Variants in SNX24 observed in about 807,000 individuals in gnomAD.
SNX24 encodes sorting nexin 24.
In SNX24, 22 loss-of-function variants were observed where a neutral mutation model predicts 28.7. The ratio of observed to expected loss-of-function variants is 0.77; its 90% confidence interval spans 0.55 to 1.10. SNX24 has a LOEUF of 1.10. Among genes scored for constraint, SNX24 ranks in the 50% least tolerant of loss-of-function variants. The pLI is 0.00. For synonymous variants in SNX24, 69 were observed against 71.5 expected, an observed-to-expected ratio of 0.96 and a Z score of 0.18; for missense variants, 221 against 201.1, an observed-to-expected ratio of 1.10 and a Z score of -0.60.
chr5:122,849,051 C>T (rs1754780307), intron 1 of SNX24, among the ~76,000 whole-genome samples: 1 of 152,194 alleles, frequency 6.6e-6, no homozygotes, highest in Admixed American at 6.5e-5. Flanking sequence ...CCCCAGGTAT[C>T]TGCTGATGGC....
chr5:122,933,081 G>T (rs1026752973), intron 1 of SNX24, among the ~76,000 whole-genome samples: 6 of 152,076 alleles, frequency 3.9e-5, no homozygotes, highest in African/African-American at 1.4e-4. Flanking sequence ...CTTGAGCTTT[G>T]TTCTGGCATG....
intron 2 of SNX24, among the ~76,000 whole-genome samples, chr5:122,940,024 CT>C (rs1026863469): frequency 5.9e-4 from 89 of 150,344 alleles, no homozygotes; most frequent in African/African-American, 2.1e-3. Flanking sequence ...GAGTCTCGCT[CT>C]TTTGCCCAGG....
chr5:123,003,067 T>C (rs1374145206), intron 6 of SNX24, among the ~76,000 whole-genome samples: 2 of 152,186 alleles, frequency 1.3e-5, no homozygotes, highest in Non-Finnish European at 2.9e-5. Context: ...TAGTAATAGA[T>C]AAATAATCCA....
intron 1 of SNX24, among the ~76,000 whole-genome samples, chr5:122,903,171 A>G (rs1489146963): frequency 6.6e-6 from 1 of 151,964 alleles, no homozygotes; most frequent in Admixed American, 6.6e-5. Context: ...CAGTGGCACG[A>G]TCGTGGCTCA....
At chr5:122,869,708 TTATCTCATAATTTG>T (rs1217118118) in intron 1 of SNX24, among the ~76,000 whole-genome samples, 2 of 152,228 alleles carry the variant, frequency 1.3e-5, no homozygotes, top group Non-Finnish European at 2.9e-5. Context: ...TTGCTACGCT[TTATCTCATAATTTG>T]TATGGAAATC....
chr5:123,013,213 T>TC (rs1477110500), downstream of SNX24, among the ~76,000 whole-genome samples: 1 of 152,128 alleles, frequency 6.6e-6, no homozygotes, highest in Non-Finnish European at 1.5e-5. Flanking sequence ...TGCATTTGGG[T>TC]CCCCCCACTG....
At chr5:122,906,438 A>G (rs1757648349) in intron 1 of SNX24, among the ~76,000 whole-genome samples, 1 of 152,202 alleles carries the variant, frequency 6.6e-6, no homozygotes, top group African/African-American at 2.4e-5. Context: ...ATGAAGTGAA[A>G]GTATTTTGAA....
At chr5:122,907,434 G>A (rs1415952794) in intron 1 of SNX24, among the ~76,000 whole-genome samples, 4 of 152,258 alleles carry the variant, frequency 2.6e-5, no homozygotes, top group East Asian at 1.9e-4. Flanking sequence ...AAAGCCAGAC[G>A]GCCCTCAGGG....
chr5:123,010,683 T>A (rs1762556161), downstream of SNX24, among the ~76,000 whole-genome samples: 4 of 152,208 alleles, frequency 2.6e-5, no homozygotes, highest in South Asian at 8.3e-4. Flanking sequence ...CATCTCCTAA[T>A]ACCGAATTCC....
chr5:122,875,818 T>G (rs1305939245), intron 1 of SNX24, among the ~76,000 whole-genome samples: 1 of 152,236 alleles, frequency 6.6e-6, no homozygotes, highest in African/African-American at 2.4e-5. Flanking sequence ...AGACACAGTC[T>G]TGCTCTTAGC....
At chr5:122,961,783 C>T (rs958930244) in intron 3 of SNX24, among the ~76,000 whole-genome samples, 9 of 152,120 alleles carry the variant, frequency 5.9e-5, no homozygotes, top group Non-Finnish European at 1.0e-4. Context: ...GTTGTACATA[C>T]ATGTTTCTGT....
At position 123,003,780 on chromosome 5, in the gene SNX24, G is replaced by A. The variant is rs115292119; in HGVS notation, c.442+1776G>A. Among the ~76,000 whole-genome samples, 1,258 of 152,306 alleles carry A rather than the reference G, an allele frequency of 8.3e-3. 17 individuals are homozygous for A. Among genetic ancestry groups the A allele is most frequent in the African/African-American group, 0.029 (1,192 of 41,560 alleles). ...TTGAATTGGAAAGAGTAAAACGTAT[G>A]TATCATTGGTAGCATGGTAATATGG... On this transcript the variant is annotated intron_variant, in intron 6 of 6. Coordinates refer to ENST00000261369, the MANE Select transcript of SNX24 (RefSeq NM_014035.4).
chr5:122,973,823 C>T (rs762829984), intron 3 of SNX24, among the ~76,000 whole-genome samples: 4 of 152,208 alleles, frequency 2.6e-5, no homozygotes, highest in African/African-American at 4.8e-5. Context: ...TAGTTATCTG[C>T]AGATGATGGC....
chr5:122,848,582 G>A lies in SNX24; in HGVS notation c.60+2889G>A, dbSNP rs535429012. Among the ~76,000 whole-genome samples the A allele has an allele frequency of 1.5e-3, 226 of 151,840 alleles. 1 individual carries two copies. The highest frequency in any genetic ancestry group is 3.9e-3 in the African/African-American group (160 of 41,426). Reference sequence around the variant, plus strand: ...AAATTAGCCAGGCGTGGTGGCGGGCGCGGGTAATCCCAGCTACTTGGGAGG... The same window carrying A: ...AAATTAGCCAGGCGTGGTGGCGGGCACGGGTAATCCCAGCTACTTGGGAGG... On this transcript the variant is annotated intron_variant, in intron 1 of 6. Coordinates refer to ENST00000261369, the MANE Select transcript of SNX24 (RefSeq NM_014035.4).
chr5:122,853,124 T>C (rs1350282660), intron 1 of SNX24, among the ~76,000 whole-genome samples: 1 of 129,524 alleles, frequency 7.7e-6, no homozygotes, highest in African/African-American at 3.2e-5. Flanking sequence ...CCTTTTTTTT[T>C]TTTTTTTTTT....
At chr5:122,918,456 A>C (rs953024289) in intron 1 of SNX24, among the ~76,000 whole-genome samples, 2 of 152,210 alleles carry the variant, frequency 1.3e-5, no homozygotes, top group African/African-American at 4.8e-5. Context: ...ACTTTTGGAA[A>C]GATAATTTGC....
chr5:122,971,071 C>G (rs572195320), intron 3 of SNX24, among the ~76,000 whole-genome samples: 1 of 152,314 alleles, frequency 6.6e-6, no homozygotes, highest in African/African-American at 2.4e-5. Context: ...ATCCAAGTCC[C>G]AAAACCTCAA....
chr5:122,916,772 C>T lies in SNX24; in HGVS notation c.61-19962C>T, dbSNP rs1302996081. On this transcript the variant is annotated intron_variant, in intron 1 of 6. Coordinates refer to ENST00000261369, the MANE Select transcript of SNX24 (RefSeq NM_014035.4). ...TAGGTTGAATGATAATCTTTCTTTA[C>T]ATAAGCTGCTTGGAAACTGTCAATT... Among the ~76,000 whole-genome samples, 4 of 152,182 alleles carry T rather than the reference C, an allele frequency of 2.6e-5. No homozygotes were observed. The East Asian group carries it at 7.7e-4, about 29-fold the overall frequency.
rs150844410 is a variant in SNX24 at position 122,932,922 on chromosome 5, A to G, written c.61-3812A>G. ...GCACCAGATTGGCCAAAGTAGGACT[A>G]TGTTGACAAGGATGGGCCAGACATT... On this transcript the variant is annotated intron_variant, in intron 1 of 6. Transcript: ENST00000261369. Among the ~76,000 whole-genome samples the G allele has an allele frequency of 4.6e-5, 7 of 151,682 alleles. No homozygotes were observed. The East Asian group carries it at 1.2e-3, about 25-fold the overall frequency.
Sources: gnomAD v4.1 joint callset for allele counts (sites outside exome capture counted in the v4.1 genomes callset) on GRCh38, gnomAD v4.1.1 for gene constraint, MANE v1.5 for transcripts, NCBI Gene and HGNC (gene_info 2026-07-23, HGNC 2026-07-21) for gene names.